The following PILRA variants were observed in gnomAD, a reference collection of about 807,000 sequenced individuals.
The protein encoded by PILRA is paired immunoglobulin-like type 2 receptor alpha.
A neutral mutation model predicts 33.1 loss-of-function variants in PILRA; 37 were observed. That is an observed-to-expected ratio of 1.12 (90% CI 0.86 to 1.47). PILRA has a LOEUF of 1.47. Among genes scored for constraint, PILRA ranks in the 40% most tolerant of loss-of-function variants. The pLI is 0.00. For synonymous variants in PILRA, 146 were observed against 149.9 expected, an observed-to-expected ratio of 0.97 and a Z score of 0.19; for missense variants, 312 against 376.2, an observed-to-expected ratio of 0.83 and a Z score of 1.41.
At chr7:100,371,312 G>A (rs1584205925), upstream of PILRA, among the ~76,000 whole-genome samples, 1 of 152,138 alleles carries the variant, frequency 6.6e-6, no homozygotes, top group African/African-American at 2.4e-5. Context: ...CTTGAAGTCA[G>A]GTATTATAAA....
chr7:100,385,320 C>T (rs1181180711), intron 2 of PILRA, among the ~76,000 whole-genome samples: 4 of 152,058 alleles, frequency 2.6e-5, no homozygotes, highest in Non-Finnish European at 4.4e-5. Flanking sequence ...GTACTTGATG[C>T]GATTGTATCT....
In PILRA at chr7:100,373,636, C is replaced by G. The variant is rs769839563; in HGVS notation, c.-21C>G. The G allele has an allele frequency of 6.2e-7, 1 of 1,613,256 alleles. No individual in the cohort carries two copies. Among genetic ancestry groups the G allele is most frequent in the African/African-American group, 1.3e-5 (1 of 74,908 alleles). On this transcript the variant is annotated 5_prime_UTR_variant, in exon 1 of 7. Coordinates refer to ENST00000198536, the MANE Select transcript of PILRA (RefSeq NM_013439.3). ...TGGACGGCTCTGCTGGTCTCCCCGT[C>G]CCCTGGAGAAGAACAAGGCCATGGG...
At chr7:100,378,461 A>C (rs1791003007) in intron 2 of PILRA, among the ~76,000 whole-genome samples, 1 of 152,220 alleles carries the variant, frequency 6.6e-6, no homozygotes, top group African/African-American at 2.4e-5. Context: ...AAAACAAAAA[A>C]CACAACACTC....
At chr7:100,379,609 A>G (rs1791038375) in intron 2 of PILRA, among the ~76,000 whole-genome samples, 1 of 149,486 alleles carries the variant, frequency 6.7e-6, no homozygotes, top group East Asian at 2.0e-4. Context: ...CGGAAGTTGC[A>G]GTGAACCGAG....
At chr7:100,382,866 CACAT>C (rs1440060975) in intron 2 of PILRA, among the ~76,000 whole-genome samples, 2 of 152,142 alleles carry the variant, frequency 1.3e-5, no homozygotes, top group African/African-American at 4.8e-5. Flanking sequence ...AAACTCTGAA[CACAT>C]CCAAACATCA....
At chr7:100,389,500 C>CT (rs2130214394) in intron 2 of PILRA, among the ~76,000 whole-genome samples, 1 of 152,120 alleles carries the variant, frequency 6.6e-6, no homozygotes, top group South Asian at 2.1e-4. Context: ...TGAGGTCACC[C>CT]TGCTGATAAC....
rs2130253597 is a variant in PILRA, at chr7:100,399,512, C to A, written c.758-69C>A. 1.9e-6 allele frequency: 3 copies of A among 1,565,558 alleles called. No individual in the cohort carries two copies. The South Asian group carries it at 3.3e-5, about 17-fold the overall frequency. ...TAGCAGATAACCTCACTCCTAGAGCCCCCTGCCCATCTCTCTCCCCTGGCT... is the reference window on the plus strand; with the variant it reads ...TAGCAGATAACCTCACTCCTAGAGCACCCTGCCCATCTCTCTCCCCTGGCT... On this transcript the variant is annotated intron_variant, in intron 5 of 6. Coordinates refer to ENST00000198536, the MANE Select transcript of PILRA (RefSeq NM_013439.3).
intron 2 of PILRA, among the ~76,000 whole-genome samples, chr7:100,384,208 A>G (rs1403057279): frequency 1.3e-5 from 2 of 151,978 alleles, no homozygotes; most frequent in African/African-American, 4.8e-5. Flanking sequence ...CAGAATTGCC[A>G]TTTACTGAGT....
intron 2 of PILRA, among the ~76,000 whole-genome samples, chr7:100,388,337 T>C (rs1458202992): frequency 6.6e-6 from 1 of 152,060 alleles, no homozygotes; most frequent in Non-Finnish European, 1.5e-5. Context: ...ATAAAGAAGG[T>C]GTAACTTGTT....
At chr7:100,390,213 C>G (rs1382770652) in intron 3 of PILRA, 107 bp downstream of exon 3, 2 of 978,748 alleles carry the variant, frequency 2.0e-6, no homozygotes, top group Non-Finnish European at 3.1e-6. Flanking sequence ...GCTGGCTCCC[C>G]TCAAGCCCAC....
chr7:100,389,659 A>G (rs1791337451), intron 2 of PILRA, among the ~76,000 whole-genome samples: 1 of 151,912 alleles, frequency 6.6e-6, no homozygotes, highest in South Asian at 2.1e-4. Context: ...GAAGGAAAGG[A>G]AAGGAAAGGA....
intron 3 of PILRA, among the ~76,000 whole-genome samples, chr7:100,392,176 G>A (rs1256026796): frequency 1.3e-5 from 2 of 152,192 alleles, no homozygotes; most frequent in Non-Finnish European, 2.9e-5. Flanking sequence ...AAGTGTGGTG[G>A]TACGCACCTG....
At chr7:100,377,769 G>A (rs1790988997) in intron 2 of PILRA, among the ~76,000 whole-genome samples, 1 of 151,858 alleles carries the variant, frequency 6.6e-6, no homozygotes, top group African/African-American at 2.4e-5. Context: ...TGTATGTAGT[G>A]ATAATTTATT....
rs1268755543 is a variant in PILRA at position 100,399,698 on chromosome 7, C to T, written c.789+86C>T. On this transcript the variant is annotated intron_variant, in intron 6 of 6. Coordinates refer to ENST00000198536, the MANE Select transcript of PILRA (RefSeq NM_013439.3). ...AGGGAGAAGGGGAGTGTGGTGTGGG[C>T]AGGAGAGTCAAACTGTAGGCTTGCC... is the stretch of plus-strand genomic sequence containing the variant. The T allele has an allele frequency of 1.2e-6, 2 of 1,609,994 alleles. No homozygotes were observed. The highest frequency in any genetic ancestry group is 1.7e-6 in the Non-Finnish European group (2 of 1,176,826).
intron 2 of PILRA, among the ~76,000 whole-genome samples, chr7:100,388,287 T>G (rs1351071018): frequency 6.6e-6 from 1 of 152,194 alleles, no homozygotes; most frequent in Non-Finnish European, 1.5e-5. Context: ...GTCCTGTGGC[T>G]GAGTACTATG....
intron 4 of PILRA, among the ~76,000 whole-genome samples, chr7:100,398,824 T>G (rs1295910423): frequency 1.3e-5 from 2 of 151,996 alleles, no homozygotes; most frequent in African/African-American, 4.8e-5. Flanking sequence ...TAATTCCTCT[T>G]CCAAGCAGCC....
At chr7:100,398,605 G>C (rs1016163147) in intron 4 of PILRA, among the ~76,000 whole-genome samples, 9 of 152,138 alleles carry the variant, frequency 5.9e-5, no homozygotes, top group African/African-American at 2.2e-4. Flanking sequence ...CACCCAGCCT[G>C]AACCCCTCCC....
At chr7:100,388,138 A>G (rs973001464) in intron 2 of PILRA, among the ~76,000 whole-genome samples, 4 of 152,150 alleles carry the variant, frequency 2.6e-5, no homozygotes, top group Admixed American at 1.3e-4. Flanking sequence ...GTTATTATAC[A>G]TGTTTTCCTT....
At chr7:100,373,044 C>T (rs951747546), upstream of PILRA, among the ~76,000 whole-genome samples, 12 of 151,950 alleles carry the variant, frequency 7.9e-5, no homozygotes, top group Middle Eastern at 3.4e-3. Context: ...CCAGCTGGGT[C>T]GTGGTGGTGC....
Sources: gnomAD v4.1 joint callset for allele counts (sites outside exome capture counted in the v4.1 genomes callset) on GRCh38, gnomAD v4.1.1 for gene constraint, MANE v1.5 for transcripts, NCBI Gene and HGNC (gene_info 2026-07-23, HGNC 2026-07-21) for gene names.